The following SHLD1 variants were observed in gnomAD, a reference collection of about 807,000 sequenced individuals.
SHLD1 encodes the protein shieldin complex subunit 1.
Under a neutral mutation model 5.5 loss-of-function variants are expected in SHLD1, and 3 were observed. That is an observed-to-expected ratio of 0.54 (90% CI 0.25 to 1.40). The LOEUF (loss-of-function observed/expected upper bound fraction) is 1.40. Among genes scored for constraint, SHLD1 ranks in the 40% most tolerant of loss-of-function variants. The probability of loss-of-function intolerance (pLI) is 0.15; values close to 1 mark genes in which losing one functional copy is unlikely to be tolerated. For synonymous variants in SHLD1, 92 were observed against 94.3 expected (o/e 0.98, Z 0.14); for missense variants, 210 against 244.4 (o/e 0.86, Z 0.94).
chr20:5,753,691 G>C (rs1383527315), intron 1 of SHLD1, among the ~76,000 whole-genome samples: 1 of 152,160 alleles, frequency 6.6e-6, no homozygotes, highest in Non-Finnish European at 1.5e-5. Flanking sequence ...CACTGGCCAG[G>C]TTAAATCTCT....
chr20:5,792,873 T>C (rs2326663), intron 2 of SHLD1, among the ~76,000 whole-genome samples: 138,207 of 151,730 alleles, frequency 0.91, 62,992 homozygotes, highest in East Asian at 1. Context: ...CGGGGTTTCA[T>C]CATGTTGGCC....
intron 2 of SHLD1, among the ~76,000 whole-genome samples, chr20:5,795,933 A>T (rs1430397969): frequency 1.3e-5 from 2 of 151,956 alleles, no homozygotes; most frequent in African/African-American, 2.4e-5. Flanking sequence ...CAGAGCTTGC[A>T]GTGAGCCGAG....
chr20:5,844,750 A>G (rs1375468927), intron 2 of SHLD1, among the ~76,000 whole-genome samples: 2 of 145,952 alleles, frequency 1.4e-5, no homozygotes, highest in African/African-American at 5.1e-5. Context: ...TTGATATAAT[A>G]TCTATCACTG....
intron 2 of SHLD1, among the ~76,000 whole-genome samples, chr20:5,846,739 T>C (rs749822355): frequency 1.5e-4 from 23 of 152,198 alleles, no homozygotes; most frequent in Non-Finnish European, 2.4e-4. Flanking sequence ...GGGGGAACCA[T>C]AGATTTATTC....
At chr20:5,849,756 G>A (rs1391642392) in intron 2 of SHLD1, among the ~76,000 whole-genome samples, 1 of 150,038 alleles carries the variant, frequency 6.7e-6, no homozygotes, top group Non-Finnish European at 1.5e-5. Context: ...TCAGGAGATC[G>A]AGACCATCCT....
chr20:5,829,481 A>G (rs1323328818), intron 2 of SHLD1, among the ~76,000 whole-genome samples: 1 of 152,246 alleles, frequency 6.6e-6, no homozygotes, highest in East Asian at 1.9e-4. Context: ...CAAGAAAGCA[A>G]TTAGTCTGGA....
intron 2 of SHLD1, among the ~76,000 whole-genome samples, chr20:5,857,315 G>T (rs1298349524): frequency 6.6e-6 from 1 of 152,084 alleles, no homozygotes; most frequent in African/African-American, 2.4e-5. Context: ...TTTAAAAGGG[G>T]ACCCATGACT....
At chr20:5,788,864 G>T (rs568581839) in intron 2 of SHLD1, among the ~76,000 whole-genome samples, 1 of 152,290 alleles carries the variant, frequency 6.6e-6, no homozygotes, top group East Asian at 1.9e-4. Context: ...GGGCTCAGTG[G>T]CTCATGCCTG....
chr20:5,794,098 A>C (rs996768998), intron 2 of SHLD1, among the ~76,000 whole-genome samples: 2 of 151,982 alleles, frequency 1.3e-5, no homozygotes, highest in South Asian at 4.1e-4. Flanking sequence ...TTGGAGCCTG[A>C]CTGGTCTGAG....
chr20:5,772,236 G>A, intron 1 of SHLD1: 1 of 446,776 alleles, frequency 2.2e-6, no homozygotes, highest in Non-Finnish European at 4.5e-6. Context: ...TATCTGACTT[G>A]CTGGCATCAC....
chr20:5,818,233 G>A (rs1198554851), intron 2 of SHLD1, among the ~76,000 whole-genome samples: 14 of 151,728 alleles, frequency 9.2e-5, no homozygotes, highest in African/African-American at 3.1e-4. Flanking sequence ...CTGCCACCAC[G>A]CCTGGCTAAG....
intron 2 of SHLD1, among the ~76,000 whole-genome samples, chr20:5,841,498 T>C (rs1351754117): frequency 6.6e-6 from 1 of 152,240 alleles, no homozygotes; most frequent in African/African-American, 2.4e-5. Flanking sequence ...AATTAGGTTA[T>C]TTTTCATTTC....
intron 2 of SHLD1, among the ~76,000 whole-genome samples, chr20:5,803,314 C>A (rs1457476279): frequency 6.6e-6 from 1 of 152,104 alleles, no homozygotes; most frequent in Non-Finnish European, 1.5e-5. Context: ...AGATGAGTAC[C>A]ACCATGCCTG....
intron 1 of SHLD1, among the ~76,000 whole-genome samples, chr20:5,762,286 T>A (rs1984512183): frequency 6.6e-6 from 1 of 151,970 alleles, no homozygotes; most frequent in Non-Finnish European, 1.5e-5. Flanking sequence ...CCAGTTTTGG[T>A]TTAGAAATAC....
chr20:5,791,512 C>T (rs1346651773), intron 2 of SHLD1, among the ~76,000 whole-genome samples: 1 of 140,634 alleles, frequency 7.1e-6, no homozygotes, highest in Non-Finnish European at 1.5e-5. Context: ...TGCAGTGAGC[C>T]ATAATTGCAC....
At chr20:5,853,818 A>G (rs952485614) in intron 2 of SHLD1, among the ~76,000 whole-genome samples, 4 of 151,350 alleles carry the variant, frequency 2.6e-5, no homozygotes, top group Non-Finnish European at 4.4e-5. Flanking sequence ...TTGCCTGTTC[A>G]TAATAGCAGA....
At chr20:5,837,112 T>A (rs994627574) in intron 2 of SHLD1, among the ~76,000 whole-genome samples, 5 of 152,066 alleles carry the variant, frequency 3.3e-5, no homozygotes, top group Admixed American at 2.0e-4. Context: ...CAGAAGATTC[T>A]CCGGGAGGGC....
chr20:5,760,550 G>A (rs955198197), intron 1 of SHLD1, among the ~76,000 whole-genome samples: 3 of 151,930 alleles, frequency 2.0e-5, no homozygotes, highest in South Asian at 2.1e-4. Flanking sequence ...AAAATTAGTC[G>A]GGCATGGTGG....
intron 2 of SHLD1, among the ~76,000 whole-genome samples, chr20:5,808,186 A>G (rs1485593152): frequency 6.6e-6 from 1 of 152,156 alleles, no homozygotes; most frequent in Non-Finnish European, 1.5e-5. Flanking sequence ...AGGCTGAGGC[A>G]GGAGAATCCC....
Sources: allele counts gnomAD v4.1 joint callset (sites outside exome capture counted in the v4.1 genomes callset), GRCh38; gene constraint gnomAD v4.1.1; transcripts MANE v1.5; gene names NCBI Gene and HGNC (gene_info 2026-07-23, HGNC 2026-07-21).